The following RAB31 variants were observed in gnomAD, a reference collection of about 807,000 sequenced individuals.
The protein encoded by RAB31 is ras-related protein Rab-31.
A neutral mutation model predicts 25.6 loss-of-function variants in RAB31; 21 were observed. The observed-to-expected ratio is 0.82, with a 90% CI of 0.58 to 1.18. The LOEUF (loss-of-function observed/expected upper bound fraction) is 1.18. Ranked by LOEUF, RAB31 falls within the 50% of genes most tolerant of loss-of-function variation. The pLI, the probability that RAB31 is intolerant of heterozygous loss-of-function variation, is 0.00. For missense variants in RAB31, 196 were observed against 250.1 expected (o/e 0.78, Z 1.46); for synonymous variants, 87 against 84.0 (o/e 1.04, Z -0.20).
At chr18:9,746,339 C>A (rs980773606) in intron 1 of RAB31, among the ~76,000 whole-genome samples, 1 of 152,172 alleles carries the variant, frequency 6.6e-6, no homozygotes, top group Non-Finnish European at 1.5e-5. Context: ...GATGGCAATA[C>A]TACCCAAAGC....
intron 1 of RAB31, among the ~76,000 whole-genome samples, chr18:9,749,643 A>C (rs4798849): frequency 0.46 from 69,709 of 152,068 alleles, 16,043 homozygotes; most frequent in South Asian, 0.52. Flanking sequence ...TTAAATTAGA[A>C]AAGAAAAGGA....
intron 4 of RAB31, 44 bp downstream of exon 4, chr18:9,814,135 T>A: frequency 7.1e-7 from 1 of 1,417,946 alleles, no homozygotes; most frequent in Non-Finnish European, 9.8e-7. Flanking sequence ...TTATGGTGGT[T>A]CTCTCACTTA....
intron 2 of RAB31, among the ~76,000 whole-genome samples, chr18:9,777,728 T>C (rs1462274705): frequency 6.6e-6 from 1 of 151,566 alleles, no homozygotes; most frequent in Non-Finnish European, 1.5e-5. Context: ...AAAAATTTTT[T>C]TAAAATAAAA....
intron 3 of RAB31, among the ~76,000 whole-genome samples, chr18:9,796,867 T>C (rs1228489957): frequency 6.6e-6 from 1 of 152,134 alleles, no homozygotes; most frequent in Non-Finnish European, 1.5e-5. Flanking sequence ...TGCTTTAGAA[T>C]ACATGCTTTA....
rs1486844236 is a variant in RAB31, at chr18:9,861,773, A to G, written c.*2448A>G. Reference sequence around the variant, plus strand: ...CTTTTTTTTTTCTTTCGTGTGTGGCATGAGTGTGTATCTGTGTAAATATGA... The same window carrying G: ...CTTTTTTTTTTCTTTCGTGTGTGGCGTGAGTGTGTATCTGTGTAAATATGA... On this transcript the variant is annotated 3_prime_UTR_variant, in exon 7 of 7. Transcript: ENST00000578921. 3 of 151,520 alleles carry G rather than the reference A, an allele frequency of 2.0e-5. No homozygotes were observed. The highest frequency in any genetic ancestry group is 7.3e-5 in the African/African-American group (3 of 41,132). 9.4% of individuals were successfully genotyped at this position (151,520 alleles called of 1,614,324 possible).
At chr18:9,824,147 A>G (rs1211028072) in intron 5 of RAB31, among the ~76,000 whole-genome samples, 1 of 152,106 alleles carries the variant, frequency 6.6e-6, no homozygotes, top group Non-Finnish European at 1.5e-5. Flanking sequence ...TTGATTTTTA[A>G]CTGAGGGTTG....
At chr18:9,721,588 C>T (rs2068073954) in intron 1 of RAB31, among the ~76,000 whole-genome samples, 1 of 149,244 alleles carries the variant, frequency 6.7e-6, no homozygotes, top group African/African-American at 2.5e-5. Flanking sequence ...TGCACTCCAA[C>T]CTGGCTGACA....
intron 3 of RAB31, among the ~76,000 whole-genome samples, chr18:9,811,399 C>G (rs2068570018): frequency 6.6e-6 from 1 of 152,192 alleles, no homozygotes; most frequent in African/African-American, 2.4e-5. Context: ...CCTGGGGACT[C>G]AGATTTCCAA....
At chr18:9,806,244 C>T (rs566319237) in intron 3 of RAB31, among the ~76,000 whole-genome samples, 4 of 152,066 alleles carry the variant, frequency 2.6e-5, no homozygotes, top group Non-Finnish European at 4.4e-5. Flanking sequence ...TCAGTTTTCT[C>T]ATCTGAATAA....
intron 3 of RAB31, among the ~76,000 whole-genome samples, chr18:9,809,342 C>A (rs1054779107): frequency 3.4e-4 from 52 of 151,818 alleles, no homozygotes; most frequent in Admixed American, 2.6e-3. Context: ...CTTGATCACG[C>A]GAGGTCCCTA....
intron 1 of RAB31, among the ~76,000 whole-genome samples, chr18:9,721,957 C>T (rs2068075641): frequency 6.6e-6 from 1 of 152,086 alleles, no homozygotes; most frequent in Admixed American, 6.5e-5. Context: ...ATCAAAGAGA[C>T]AGTACTCAGG....
intron 6 of RAB31, among the ~76,000 whole-genome samples, chr18:9,850,284 GATT>G (rs1438384278): frequency 6.6e-6 from 1 of 152,116 alleles, no homozygotes; most frequent in Non-Finnish European, 1.5e-5. Context: ...TTGGTTTGTA[GATT>G]ATTATTATTT....
intron 3 of RAB31, 90 bp downstream of exon 3, chr18:9,792,325 G>GT (rs747433872): frequency 8.0e-6 from 12 of 1,493,512 alleles, no homozygotes; most frequent in South Asian, 1.3e-5. Context: ...AAGACTCTTG[G>GT]TTGCAGGTGA....
chr18:9,720,891 T>A (rs2068070765), intron 1 of RAB31, among the ~76,000 whole-genome samples: 1 of 152,090 alleles, frequency 6.6e-6, no homozygotes, highest in Admixed American at 6.5e-5. Flanking sequence ...AGTTTGAGTT[T>A]ATAGCTTCGG....
At chr18:9,749,276 G>A (rs1202091197) in intron 1 of RAB31, among the ~76,000 whole-genome samples, 2 of 152,154 alleles carry the variant, frequency 1.3e-5, no homozygotes, top group Non-Finnish European at 2.9e-5. Context: ...ACACATTGTC[G>A]TCATTGTTAA....
intron 5 of RAB31, among the ~76,000 whole-genome samples, chr18:9,828,770 C>A: frequency 6.6e-6 from 1 of 152,088 alleles, no homozygotes; most frequent in East Asian, 1.9e-4. Context: ...AAATGCTGGA[C>A]CTTAAAAATC....
At chr18:9,794,667 T>C (rs2068477821) in intron 3 of RAB31, among the ~76,000 whole-genome samples, 1 of 151,802 alleles carries the variant, frequency 6.6e-6, no homozygotes, top group African/African-American at 2.4e-5. Flanking sequence ...ATACAAAAAT[T>C]AGTCAGGCGT....
In RAB31 at chr18:9,850,725, G is replaced by A. The variant is rs1344638383; in HGVS notation, c.490+5034G>A. Among the ~76,000 whole-genome samples, 8 of 152,208 alleles carry A rather than the reference G, an allele frequency of 5.3e-5. No individual in the cohort carries two copies. In the South Asian group the frequency reaches 1.5e-3, roughly 28 times the overall value. ...TTGTTTTATTAAGGTGAATATATGG[G>A]CATGGCGGTGTGCACCTGTAGTCCC... On this transcript the variant is annotated intron_variant, in intron 6 of 6. Coordinates refer to ENST00000578921, the MANE Select transcript of RAB31 (RefSeq NM_006868.4).
chr18:9,727,862 G>A lies in RAB31; in HGVS notation c.39+19418G>A, dbSNP rs117774375. ...ATGATGTTTTGATTGTATACATTAT[G>A]AAATGATTACCACAGTTAAGCTAAT... is the stretch of plus-strand genomic sequence containing the variant. On this transcript the variant is annotated intron_variant, in intron 1 of 6. Transcript: ENST00000578921. Among the ~76,000 whole-genome samples the A allele has an allele frequency of 2.6e-5, 4 of 152,308 alleles. No homozygotes were observed. The East Asian group carries it at 7.7e-4, about 29-fold the overall frequency.
Sources: gnomAD v4.1 joint callset for allele counts (sites outside exome capture counted in the v4.1 genomes callset) on GRCh38, gnomAD v4.1.1 for gene constraint, MANE v1.5 for transcripts, NCBI Gene and HGNC (gene_info 2026-07-23, HGNC 2026-07-21) for gene names.